ALX4: variants seen among roughly 807,000 people sequenced by gnomAD.
The protein encoded by ALX4 is ALX homeobox 4.
ALX4 carries 22 observed loss-of-function variants against 40.6 expected under a neutral mutation model. The observed-to-expected ratio is 0.54, with a 90% CI of 0.39 to 0.77. ALX4 has a LOEUF of 0.77. ALX4 is among the 30% of genes least tolerant of loss of function. The pLI, the probability that ALX4 is intolerant of heterozygous loss-of-function variation, is 0.00. For synonymous variants in ALX4, 266 were observed against 240.5 expected (o/e 1.11, Z -0.98); for missense variants, 556 against 564.8 (o/e 0.98, Z 0.16).
chr11:44,307,698 G>A (rs1017863329), intron 1 of ALX4, among the ~76,000 whole-genome samples: 1 of 152,254 alleles, frequency 6.6e-6, no homozygotes, highest in Non-Finnish European at 1.5e-5. Flanking sequence ...ACAGGGACGA[G>A]CTGGGGCCTG....
At chr11:44,300,190 T>A (rs1421846670) in intron 1 of ALX4, among the ~76,000 whole-genome samples, 1 of 152,142 alleles carries the variant, frequency 6.6e-6, no homozygotes. Flanking sequence ...TGAGGCATCT[T>A]GAGGATTCTG....
At chr11:44,288,328 C>T (rs527551100) in intron 1 of ALX4, among the ~76,000 whole-genome samples, 42 of 152,104 alleles carry the variant, frequency 2.8e-4, no homozygotes, top group Admixed American at 1.2e-3. Flanking sequence ...AAAACATCAC[C>T]ATTTGGGGAG....
intron 2 of ALX4, among the ~76,000 whole-genome samples, chr11:44,270,318 T>C (rs531041703): frequency 4.0e-5 from 6 of 151,890 alleles, no homozygotes; most frequent in African/African-American, 1.2e-4. Context: ...AGGGATTTAT[T>C]TGAGGGCTGA....
intron 3 of ALX4, among the ~76,000 whole-genome samples, chr11:44,267,163 C>A (rs527322517): frequency 9.2e-5 from 14 of 152,158 alleles, no homozygotes; most frequent in Non-Finnish European, 1.9e-4. Flanking sequence ...AGAGACCCTC[C>A]GAGCGGTATC....
intron 2 of ALX4, among the ~76,000 whole-genome samples, chr11:44,270,521 G>A (rs1956239900): frequency 6.6e-6 from 1 of 152,100 alleles, no homozygotes; most frequent in African/African-American, 2.4e-5. Context: ...ATTGGAGGCA[G>A]CAAGGGTATC....
intron 1 of ALX4, among the ~76,000 whole-genome samples, chr11:44,293,743 C>T (rs1956387004): frequency 6.6e-6 from 1 of 152,252 alleles, no homozygotes; most frequent in Admixed American, 6.5e-5. Context: ...GCCTCTTGCC[C>T]CTGGCTTCGC....
intron 1 of ALX4, among the ~76,000 whole-genome samples, chr11:44,284,903 TCA>T (rs1392646430): frequency 2.0e-5 from 3 of 151,876 alleles, no homozygotes; most frequent in Non-Finnish European, 2.9e-5. Flanking sequence ...AGAAAATCAC[TCA>T]CACACATACA....
chr11:44,296,119 G>A (rs1307654639), intron 1 of ALX4, among the ~76,000 whole-genome samples: 3 of 152,230 alleles, frequency 2.0e-5, no homozygotes, highest in Non-Finnish European at 4.4e-5. Context: ...GGGCCAGATA[G>A]ACAAATGCAA....
intron 1 of ALX4, among the ~76,000 whole-genome samples, chr11:44,286,933 T>G (rs1956341850): frequency 6.6e-6 from 1 of 152,150 alleles, no homozygotes; most frequent in Non-Finnish European, 1.5e-5. Context: ...CCCATGGGGA[T>G]TCCTTGGCCC....
chr11:44,284,972 GT>G (rs200060258), intron 1 of ALX4, among the ~76,000 whole-genome samples: 1 of 150,608 alleles, frequency 6.6e-6, no homozygotes, highest in Admixed American at 6.6e-5. Context: ...AAACTTTTGT[GT>G]TTTTTTTTGA....
chr11:44,308,675 C>T (rs1001812667), intron 1 of ALX4, among the ~76,000 whole-genome samples: 2 of 152,248 alleles, frequency 1.3e-5, no homozygotes, highest in African/African-American at 4.8e-5. Context: ...GGGCCCAGGC[C>T]TGCCTCCTGT....
At chr11:44,273,113 G>A (rs1956258505) in intron 2 of ALX4, among the ~76,000 whole-genome samples, 1 of 151,520 alleles carries the variant, frequency 6.6e-6, no homozygotes, top group Non-Finnish European at 1.5e-5. Flanking sequence ...GGGGCCTGCT[G>A]AGGATTGCAG....
chr11:44,277,254 C>T lies in ALX4; in HGVS notation c.467-1596G>A, dbSNP rs183628636. ...AGACCCTGTGAACATTAGAGGACTC[C>T]GACCCTGGAGAAGTCCTCCAAGCAT... On this transcript the variant is annotated intron_variant, in intron 1 of 3. Transcript: ENST00000652299. Among the ~76,000 whole-genome samples the T allele has an allele frequency of 2.3e-3, 352 of 152,300 alleles. 1 individual carries two copies. The highest frequency in any genetic ancestry group is 6.6e-3 in the African/African-American group (276 of 41,554).
At chr11:44,268,831 T>C (rs4755803) in intron 2 of ALX4, among the ~76,000 whole-genome samples, 110,194 of 152,024 alleles carry the variant, frequency 0.72, 40,630 homozygotes, top group East Asian at 0.87. Context: ...TGATGTGCAC[T>C]TGTCTGCTGG....
intron 1 of ALX4, among the ~76,000 whole-genome samples, chr11:44,291,097 C>T (rs1956366311): frequency 6.6e-6 from 1 of 152,184 alleles, no homozygotes; most frequent in African/African-American, 2.4e-5. Context: ...CCATAAACCT[C>T]TGTCAAAAGT....
intron 2 of ALX4, among the ~76,000 whole-genome samples, chr11:44,270,925 G>A (rs1051985456): frequency 6.6e-6 from 1 of 152,240 alleles, no homozygotes; most frequent in African/African-American, 2.4e-5. Flanking sequence ...ATTGTCTTCA[G>A]ACACCAGCTG....
chr11:44,291,477 C>G (rs989639187), intron 1 of ALX4, among the ~76,000 whole-genome samples: 1 of 151,660 alleles, frequency 6.6e-6, no homozygotes, highest in Non-Finnish European at 1.5e-5. Flanking sequence ...GGTGCGATCT[C>G]GGCTCACTGC....
At chr11:44,268,720 G>A (rs1424979292) in intron 2 of ALX4, among the ~76,000 whole-genome samples, 1 of 152,232 alleles carries the variant, frequency 6.6e-6, no homozygotes, top group Non-Finnish European at 1.5e-5. Context: ...GGGTGGGTGA[G>A]AGAGGGAGAG....
chr11:44,299,650 G>A (rs184666894), intron 1 of ALX4, among the ~76,000 whole-genome samples: 235 of 152,234 alleles, frequency 1.5e-3, no homozygotes, highest in Middle Eastern at 6.8e-3. Context: ...ATGAGCCACT[G>A]CACCGTGCCC....
Sources: allele counts gnomAD v4.1 joint callset (sites outside exome capture counted in the v4.1 genomes callset), GRCh38; gene constraint gnomAD v4.1.1; transcripts MANE v1.5; gene names NCBI Gene and HGNC (gene_info 2026-07-23, HGNC 2026-07-21).